Variants in SYT14 observed in about 807,000 individuals in gnomAD.
SYT14 encodes the protein synaptotagmin-14.
SYT14 carries 32 observed loss-of-function variants against 74.2 expected under a neutral mutation model. That is an observed-to-expected ratio of 0.43 (90% CI 0.33 to 0.58). The LOEUF is 0.58. SYT14 is among the 20% of genes least tolerant of loss of function. The pLI is 0.05. For synonymous variants in SYT14, 298 were observed against 337.7 expected, an observed-to-expected ratio of 0.88 and a Z score of 1.29; for missense variants, 791 against 981.8, an observed-to-expected ratio of 0.81 and a Z score of 2.60.
exon 10 of SYT14, chr1:210,162,397 C>G: frequency 2.5e-6 from 1 of 407,398 alleles, no homozygotes; most frequent in Non-Finnish European, 4.8e-6. Context: ...TTTTTAATGG[C>G]AAGGCACTTT....
At chr1:210,055,436 T>TA (rs2081076773) in intron 5 of SYT14, among the ~76,000 whole-genome samples, 2 of 152,160 alleles carry the variant, frequency 1.3e-5, no homozygotes, top group South Asian at 4.1e-4. Flanking sequence ...TCAAACTATC[T>TA]AAAAAATGGG....
At chr1:210,155,211 G>A (rs1366537607) in intron 7 of SYT14, among the ~76,000 whole-genome samples, 1 of 152,122 alleles carries the variant, frequency 6.6e-6, no homozygotes, top group African/African-American at 2.4e-5. Context: ...TGATACTAAT[G>A]TAACTACATC....
intron 4 of SYT14, among the ~76,000 whole-genome samples, chr1:210,018,987 T>A (rs907742354): frequency 2.6e-5 from 4 of 151,818 alleles, no homozygotes; most frequent in Admixed American, 2.0e-4. Flanking sequence ...AATACAAAAA[T>A]TAGCCGGGCA....
At chr1:210,038,532 T>C (rs1299646321) in intron 5 of SYT14, among the ~76,000 whole-genome samples, 1 of 152,130 alleles carries the variant, frequency 6.6e-6, no homozygotes, top group Non-Finnish European at 1.5e-5. Context: ...TTTTATACTT[T>C]TGTGTGCTTT....
chr1:209,980,375 A>C (rs1017910649), intron 2 of SYT14, among the ~76,000 whole-genome samples: 3 of 151,832 alleles, frequency 2.0e-5, no homozygotes, highest in Non-Finnish European at 4.4e-5. Context: ...AGATTGCAAA[A>C]TTTTCTCCTG....
intron 5 of SYT14, among the ~76,000 whole-genome samples, chr1:210,052,846 A>G (rs994962328): frequency 6.6e-6 from 1 of 151,884 alleles, no homozygotes; most frequent in African/African-American, 2.4e-5. Flanking sequence ...AGTTCCATAT[A>G]CCCATTATAA....
chr1:210,164,131 A>G, exon 10 of SYT14: 1 of 440,402 alleles, frequency 2.3e-6, no homozygotes, highest in Non-Finnish European at 4.6e-6. Flanking sequence ...TTAGCATAAT[A>G]TTGCCTTATC....
intron 2 of SYT14, among the ~76,000 whole-genome samples, chr1:209,963,109 G>A (rs2079102262): frequency 1.3e-5 from 2 of 152,176 alleles, no homozygotes; most frequent in Non-Finnish European, 2.9e-5. Context: ...AGAAAGACTA[G>A]AATGTTGTTT....
chr1:210,007,911 A>G (rs1478965483), intron 2 of SYT14, among the ~76,000 whole-genome samples: 2 of 152,266 alleles, frequency 1.3e-5, no homozygotes, highest in Non-Finnish European at 2.9e-5. Context: ...TGAGTGTTAA[A>G]TTTTAAAATG....
intron 1 of SYT14, among the ~76,000 whole-genome samples, chr1:209,951,689 A>G (rs2102677206): frequency 6.6e-6 from 1 of 152,312 alleles, no homozygotes; most frequent in Non-Finnish European, 1.5e-5. Context: ...TAGTCACAGC[A>G]AACCCAAATC....
At chr1:210,136,179 AAAG>A (rs2082781004) in intron 7 of SYT14, among the ~76,000 whole-genome samples, 2 of 152,176 alleles carry the variant, frequency 1.3e-5, no homozygotes, top group African/African-American at 2.4e-5. Flanking sequence ...CAATGGTAAG[AAAG>A]AAGGAGAGAA....
intron 2 of SYT14, among the ~76,000 whole-genome samples, chr1:209,988,355 A>G (rs1210795999): frequency 1.3e-5 from 2 of 152,336 alleles, no homozygotes; most frequent in Admixed American, 6.5e-5. Flanking sequence ...CTTCAAACCC[A>G]TGGAATATAT....
At chr1:209,979,122 G>A (rs946808041) in intron 2 of SYT14, among the ~76,000 whole-genome samples, 1 of 152,176 alleles carries the variant, frequency 6.6e-6, no homozygotes, top group Non-Finnish European at 1.5e-5. Context: ...CTTTGACTAG[G>A]AAAGGGAATT....
chr1:210,050,855 A>G (rs1233498562), intron 5 of SYT14, among the ~76,000 whole-genome samples: 2 of 152,224 alleles, frequency 1.3e-5, no homozygotes, highest in Non-Finnish European at 2.9e-5. Flanking sequence ...CATGACACAC[A>G]GGAATTGTGG....
rs1313501781 is a variant in SYT14, at chr1:210,016,217, C to CA, written c.221dup (p.Asn74LysfsTer12). ...AGAAGAAGCTGTAGACACTTCTAAACAAAAAAATGCCGGGTTAACAGAAGT... is the reference window on the plus strand; with the variant it reads ...AGAAGAAGCTGTAGACACTTCTAAACAAAAAAAATGCCGGGTTAACAGAAGT... On this transcript the variant is annotated frameshift_variant, in exon 4 of 10. Coordinates refer to ENST00000637265, the Ensembl canonical transcript of SYT14. LOFTEE classifies it high-confidence loss of function. 1.1e-5 allele frequency: 14 copies of CA among 1,231,956 alleles called. No homozygotes were observed. Among genetic ancestry groups the CA allele is most frequent in the East Asian group, 3.2e-5 (1 of 31,692 alleles). 76.3% of individuals were successfully genotyped at this position (1,231,956 alleles called of 1,614,324 possible). A position where few individuals can be genotyped will look rare whatever the true frequency, so the allele number is the denominator to read the frequency against.
intron 1 of SYT14, among the ~76,000 whole-genome samples, chr1:209,949,491 T>C (rs1262716253): frequency 6.6e-6 from 1 of 151,014 alleles, no homozygotes; most frequent in Non-Finnish European, 1.5e-5. Context: ...GAGAATTGCT[T>C]GAACCCGGGA....
chr1:210,058,237 T>C (rs941780697), intron 5 of SYT14, among the ~76,000 whole-genome samples: 3 of 152,176 alleles, frequency 2.0e-5, no homozygotes, highest in Non-Finnish European at 4.4e-5. Flanking sequence ...AAACTGGTTT[T>C]ATTGCTCCCA....
exon 10 of SYT14, chr1:210,170,329 T>C (rs1212132929): frequency 6.6e-6 from 1 of 152,108 alleles, no homozygotes; most frequent in East Asian, 1.9e-4. Flanking sequence ...TGAGCATATA[T>C]GTAATCGTTT....
chr1:210,020,933 A>T, intron 4 of SYT14, 106 bp from the exon 4 acceptor site: 1 of 906,868 alleles, frequency 1.1e-6, no homozygotes, highest in South Asian at 1.4e-5. Flanking sequence ...CAAATTTTCT[A>T]TACTTTATTG....
Sources: allele counts gnomAD v4.1 joint callset (sites outside exome capture counted in the v4.1 genomes callset), GRCh38; gene constraint gnomAD v4.1.1; transcripts MANE v1.5; gene names NCBI Gene and HGNC (gene_info 2026-07-23, HGNC 2026-07-21).